ACOT1: variants seen among roughly 807,000 people sequenced by gnomAD.
ACOT1 encodes the protein acyl-CoA thioesterase 1.
A neutral mutation model predicts 15.7 loss-of-function variants in ACOT1; 8 were observed. The ratio of observed to expected loss-of-function variants is 0.51; its 90% confidence interval spans 0.30 to 0.92. The LOEUF is 0.92. Ranked by LOEUF, ACOT1 falls within the 40% of genes least tolerant of loss-of-function variation. The probability of loss-of-function intolerance (pLI) is 0.06; values close to 1 mark genes in which losing one functional copy is unlikely to be tolerated. For missense variants in ACOT1, 151 were observed against 539.4 expected (o/e 0.28, Z 7.13); for synonymous variants, 67 against 241.2 (o/e 0.28, Z 6.69).
At chr14:73,502,812 G>T in the ACOT1 span, 1 of 1,006,780 alleles carries the variant, frequency 9.9e-7, no homozygotes, top group Non-Finnish European at 1.6e-6. Context: ...TTCCCAAAGT[G>T]TTGGGAGCCA....
chr14:73,503,105 T>C, the ACOT1 span: 2 of 978,156 alleles, frequency 2.0e-6, no homozygotes, highest in Non-Finnish European at 3.2e-6. Flanking sequence ...TTTTTACTCA[T>C]CACTGTACTA....
chr14:73,500,853 T>C, the ACOT1 span: 1 of 816,318 alleles, frequency 1.2e-6, no homozygotes, highest in Non-Finnish European at 1.9e-6. Flanking sequence ...TTCAGCCTTA[T>C]GCTCATGAGA....
the ACOT1 span, chr14:73,529,310 G>C: frequency 4.2e-5 from 6 of 143,990 alleles, no homozygotes; most frequent in African/African-American, 1.6e-4. Flanking sequence ...AGCCAAGCTC[G>C]TGCCACTGCA....
chr14:73,519,115 A>T, the ACOT1 span: 5 of 1,613,952 alleles, frequency 3.1e-6, no homozygotes, highest in South Asian at 5.5e-5. Flanking sequence ...GTTTTCCAGG[A>T]CAATCTGGTC....
At chr14:73,500,310 CGTTAGT>C in the ACOT1 span, among the ~76,000 whole-genome samples, 5 of 148,360 alleles carry the variant, frequency 3.4e-5, no homozygotes, top group African/African-American at 1.0e-4. Context: ...CATCAACTAT[CGTTAGT>C]GTTAGTGTAC....
At chr14:73,501,502 G>A in the ACOT1 span, among the ~76,000 whole-genome samples, 1 of 151,042 alleles carries the variant, frequency 6.6e-6, no homozygotes, top group Non-Finnish European at 1.5e-5. Context: ...TGATTCTCCT[G>A]CCTCAGCCTG....
chr14:73,541,021 C>A (rs1889065771), intron 1 of ACOT1, among the ~76,000 whole-genome samples: 1 of 114,922 alleles, frequency 8.7e-6, no homozygotes, highest in Non-Finnish European at 1.9e-5. Context: ...GGATTACAGG[C>A]GTGAGCCACC....
the ACOT1 span, among the ~76,000 whole-genome samples, chr14:73,497,903 G>A: frequency 3.3e-5 from 5 of 152,214 alleles, no homozygotes; most frequent in Non-Finnish European, 7.3e-5. Context: ...TGGGATTACA[G>A]GCGTGAGTCA....
chr14:73,504,311 C>T, the ACOT1 span, among the ~76,000 whole-genome samples: 1 of 151,514 alleles, frequency 6.6e-6, no homozygotes, highest in Non-Finnish European at 1.5e-5. Context: ...GGTGCGATCT[C>T]AACTCACTGC....
the ACOT1 span, among the ~76,000 whole-genome samples, chr14:73,525,969 GCATCTT>G: frequency 7.3e-6 from 1 of 137,744 alleles, no homozygotes; most frequent in South Asian, 2.3e-4. Context: ...AAAAAAAAAA[GCATCTT>G]CATAAGAAAC....
chr14:73,521,221 G>T, the ACOT1 span, among the ~76,000 whole-genome samples: 1 of 152,114 alleles, frequency 6.6e-6, no homozygotes, highest in African/African-American at 2.4e-5. Flanking sequence ...ATGTGGAGCT[G>T]CCAGAAGGGC....
At chr14:73,500,563 A>G in the ACOT1 span, 1 of 1,613,156 alleles carries the variant, frequency 6.2e-7, no homozygotes, top group Admixed American at 1.7e-5. Context: ...CTTGTCGCGG[A>G]TCTGCAGGGC....
At chr14:73,528,806 GTC>G in the ACOT1 span, 1 of 152,192 alleles carries the variant, frequency 6.6e-6, no homozygotes, top group Non-Finnish European at 1.5e-5. Flanking sequence ...TAGAAGGCAA[GTC>G]TCTGGGTCCT....
the ACOT1 span, chr14:73,491,466 G>A: frequency 3.4e-6 from 5 of 1,480,792 alleles, no homozygotes; most frequent in African/African-American, 1.4e-5. Context: ...GCCCTGCTGT[G>A]CACCGCGCAA....
At chr14:73,521,121 C>T in the ACOT1 span, 496 of 1,237,826 alleles carry the variant, frequency 4.0e-4, 7 homozygotes, top group South Asian at 6.6e-3. Flanking sequence ...CAGCTCGTTC[C>T]CTTTCCTCTT....
the ACOT1 span, among the ~76,000 whole-genome samples, chr14:73,524,310 A>AATATAT: frequency 2.9e-3 from 157 of 54,744 alleles, 1 homozygote; most frequent in Middle Eastern, 0.013. Context: ...AAAAAAAAAA[A>AATATAT]ATATATATAT....
chr14:73,531,576 T>C, the ACOT1 span, among the ~76,000 whole-genome samples: 2 of 109,026 alleles, frequency 1.8e-5, 1 homozygote, highest in Non-Finnish European at 3.9e-5. Flanking sequence ...GCCCCACTAA[T>C]TGTTGTACTT....
the ACOT1 span, chr14:73,491,511 C>T: frequency 6.6e-7 from 1 of 1,511,704 alleles, no homozygotes; most frequent in South Asian, 1.2e-5. Context: ...GGGGCCCCTG[C>T]GACGGCGTCG....
At chr14:73,492,901 T>A in the ACOT1 span, 1 of 1,613,728 alleles carries the variant, frequency 6.2e-7, no homozygotes, top group Non-Finnish European at 8.5e-7. This position sits in a 1 kb window ranked among gnomAD's most constrained non-coding sequence, Gnocchi z 4.9. Context: ...CGTTGTATGA[T>A]AAGGGGCTGC....
Sources: gnomAD v4.1 joint callset for allele counts (sites outside exome capture counted in the v4.1 genomes callset) on GRCh38, gnomAD v4.1.1 for gene constraint, Gnocchi (gnomAD v3.1) non-coding constraint, MANE v1.5 for transcripts, NCBI Gene and HGNC (gene_info 2026-07-23, HGNC 2026-07-21) for gene names.